Variants in SOCS5 observed in about 807,000 individuals in gnomAD.
SOCS5 encodes the protein suppressor of cytokine signaling 5.
A neutral mutation model predicts 42.8 loss-of-function variants in SOCS5; 32 were observed. The observed-to-expected ratio is 0.75, with a 90% CI of 0.56 to 1.01. The LOEUF (loss-of-function observed/expected upper bound fraction) is 1.01, where lower values mean the gene tolerates loss of function less well. Ranked by LOEUF, SOCS5 falls within the 50% of genes least tolerant of loss-of-function variation. The probability of loss-of-function intolerance (pLI) is 0.00; values close to 1 mark genes in which losing one functional copy is unlikely to be tolerated. For missense variants in SOCS5, 627 were observed against 653.0 expected (o/e 0.96, Z 0.43); for synonymous variants, 283 against 229.6 (o/e 1.23, Z -2.10).
rs1195577115 is a variant in SOCS5 at position 46,759,956 on chromosome 2, C to T, written c.1426C>T (p.Leu476=). The part of the protein sequence containing the change: ...MFFEPLLTIS[L]NRTFPFSLQY... ...TTTTGAACCATTGCTTACTATATCA[C>T]TAAATAGGACTTTCCCTTTTAGCCT... Residue 476 remains leucine (L), a synonymous_variant, in exon 2 of 2, where the codon CTA becomes TTA. Transcript: ENST00000394861. 1 of 1,614,142 alleles carries T rather than the reference C, an allele frequency of 6.2e-7. No homozygotes were observed.
At chr2:46,718,042 A>T (rs1191927357) in intron 1 of SOCS5, among the ~76,000 whole-genome samples, 2 of 152,120 alleles carry the variant, frequency 1.3e-5, no homozygotes, top group Admixed American at 6.6e-5. Context: ...CAGCAACCTT[A>T]GTAGCCTCAA....
intron 1 of SOCS5, among the ~76,000 whole-genome samples, chr2:46,714,196 T>C (rs1572831581): frequency 2.6e-5 from 4 of 152,222 alleles, no homozygotes; most frequent in African/African-American, 9.6e-5. Context: ...TCTTTACTGA[T>C]TTTCTGTCTG....
intron 1 of SOCS5, among the ~76,000 whole-genome samples, chr2:46,718,614 TTTAA>T (rs1672805899): frequency 6.6e-6 from 1 of 152,164 alleles, no homozygotes; most frequent in Non-Finnish European, 1.5e-5. Flanking sequence ...GGCATTTAAG[TTTAA>T]TTAACAGAGC....
chr2:46,725,868 A>G (rs1333158509), intron 1 of SOCS5, among the ~76,000 whole-genome samples: 1 of 152,038 alleles, frequency 6.6e-6, no homozygotes, highest in Non-Finnish European at 1.5e-5. Context: ...TTACTTCCCT[A>G]GAGTCTGAGT....
intron 1 of SOCS5, among the ~76,000 whole-genome samples, chr2:46,737,480 C>CT (rs1673279150): frequency 6.6e-6 from 1 of 152,098 alleles, no homozygotes; most frequent in South Asian, 2.1e-4. Context: ...AATCTGATAA[C>CT]TGATTATTAT....
At chr2:46,733,400 C>G (rs1047691125) in intron 1 of SOCS5, among the ~76,000 whole-genome samples, 6 of 151,880 alleles carry the variant, frequency 4.0e-5, no homozygotes, top group African/African-American at 1.2e-4. Context: ...CAGCCAGTCC[C>G]AGATTATTTT....
Position 46,699,454 on chromosome 2 carries a change from G to A in SOCS5, c.-13+5G>A, listed in dbSNP as rs1672291906. ...CCGCCCCGCGCGCCCCAAACGGTGAGTGTCCCCGCGGTCGCGCCCGGCCCG... is the reference window on the plus strand; with the variant it reads ...CCGCCCCGCGCGCCCCAAACGGTGAATGTCCCCGCGGTCGCGCCCGGCCCG... On this transcript the variant is annotated splice_donor_5th_base_variant and intron_variant, in intron 1 of 1. Coordinates refer to ENST00000394861, the MANE Select transcript of SOCS5 (RefSeq NM_144949.3). The surrounding 1 kb of genome is among the most constrained non-coding windows in gnomAD (Gnocchi z 4.8). 1 of 152,088 alleles carries A rather than the reference G, an allele frequency of 6.6e-6. No individual in the cohort carries two copies. Among genetic ancestry groups the A allele is most frequent in the Non-Finnish European group, 1.5e-5 (1 of 67,918 alleles). The allele number at this position is 152,088 out of a possible 1,614,324, so 9.4% of individuals were successfully genotyped here. A position where few individuals can be genotyped will look rare whatever the true frequency, so the allele number is the denominator to read the frequency against.
chr2:46,748,189 CTTTTTT>C (rs35861326), intron 1 of SOCS5, among the ~76,000 whole-genome samples: 2 of 138,788 alleles, frequency 1.4e-5, no homozygotes, highest in African/African-American at 2.6e-5. Flanking sequence ...TTTTCTTTTT[CTTTTTT>C]TTTTTTTTTT....
chr2:46,743,072 A>G (rs1415052199), intron 1 of SOCS5, among the ~76,000 whole-genome samples: 2 of 152,184 alleles, frequency 1.3e-5, no homozygotes, highest in African/African-American at 2.4e-5. Flanking sequence ...GCCCCAAAGT[A>G]TAGTTTTTTA....
chr2:46,729,501 C>G (rs959480692), intron 1 of SOCS5, among the ~76,000 whole-genome samples: 5 of 152,168 alleles, frequency 3.3e-5, no homozygotes, highest in Admixed American at 6.5e-5. Context: ...ACCTGTATAG[C>G]CTGTTACTGT....
intron 1 of SOCS5, among the ~76,000 whole-genome samples, chr2:46,739,075 G>T (rs868520413): frequency 6.6e-6 from 1 of 152,104 alleles, no homozygotes; most frequent in Non-Finnish European, 1.5e-5. Context: ...GTAGAAAGTG[G>T]ATGCTTCATG....
chr2:46,710,177 C>T (rs555369844), intron 1 of SOCS5, among the ~76,000 whole-genome samples: 109 of 152,266 alleles, frequency 7.2e-4, no homozygotes, highest in Middle Eastern at 3.4e-3. Context: ...TGTAGCATCT[C>T]GCTCTGTTGC....
Position 46,761,351 on chromosome 2 carries a change from A to G in SOCS5, c.*1210A>G, listed in dbSNP as rs1673864397. 1 of 167,078 alleles carries G rather than the reference A, an allele frequency of 6.0e-6. No individual in the cohort carries two copies. Among genetic ancestry groups the G allele is most frequent in the Admixed American group, 6.5e-5 (1 of 15,284 alleles). The allele number at this position is 167,078 out of a possible 1,614,324, so 10.3% of individuals were successfully genotyped here. On this transcript the variant is annotated 3_prime_UTR_variant, in exon 2 of 2. Coordinates refer to ENST00000394861, the MANE Select transcript of SOCS5 (RefSeq NM_144949.3). The stretch of plus-strand genomic sequence containing the variant: ...CTGAATTTACAGTTCTGTCCTAGAC[A>G]TTTTGCACTAAAGTAGCCGAATCCA...
At chr2:46,763,128 AAG>A (rs537901183) in exon 2 of SOCS5, 162 of 167,142 alleles carry the variant, frequency 9.7e-4, 1 homozygote, top group African/African-American at 3.7e-3. Context: ...TACAAAGAGA[AAG>A]AGTTCATCTG....
In SOCS5 at chr2:46,699,875, C is replaced by G. The variant is rs1572825064; in HGVS notation, c.-13+426C>G. Among the ~76,000 whole-genome samples, 2 of 151,986 alleles carry G rather than the reference C, an allele frequency of 1.3e-5. No individual in the cohort carries two copies. The highest frequency in any genetic ancestry group is 1.9e-4 in the East Asian group (1 of 5,158). On this transcript the variant is annotated intron_variant, in intron 1 of 1. Transcript: ENST00000394861. This position sits in a 1 kb window ranked among gnomAD's most constrained non-coding sequence, Gnocchi z 4.8. Reference sequence around the variant, plus strand: ...AGGCTGCAGGGAAGGGAGCACCGACCAAGTCACTTGGGGCTCCAAGAGCCC... The same window carrying G: ...AGGCTGCAGGGAAGGGAGCACCGACGAAGTCACTTGGGGCTCCAAGAGCCC...
rs1673801344 is a variant in SOCS5, at chr2:46,759,123, C to T, written c.593C>T (p.Ser198Leu). 6.2e-7 allele frequency: 1 copy of T among 1,613,980 alleles called. No individual in the cohort carries two copies. The highest frequency in any genetic ancestry group is 8.5e-7 in the Non-Finnish European group (1 of 1,179,846). ...CFPMRTYSKQ[S>L]KPLFSNKRKI... ...CCCATGAGAACTTACAGCAAGCAGT[C>T]AAAGCCTCTCTTTTCCAATAAAAGA... The change falls in exon 2 of 2, where the codon TCA (serine) becomes TTA (leucine). Residue 198 changes from serine to leucine, a missense_variant. By Grantham distance (145) the Ser-to-Leu change is moderately radical. This residue lies in a region of SOCS5 where 278 missense variants were observed against 246.3 expected (regional missense o/e 1.13). Transcript: ENST00000394861.
chr2:46,729,242 C>T (rs1673061023), intron 1 of SOCS5, among the ~76,000 whole-genome samples: 1 of 152,130 alleles, frequency 6.6e-6, no homozygotes, highest in African/African-American at 2.4e-5. Context: ...GCTTGAAATT[C>T]ACACTGTGTT....
At chr2:46,706,405 T>C (rs1027702033) in intron 1 of SOCS5, among the ~76,000 whole-genome samples, 2 of 152,346 alleles carry the variant, frequency 1.3e-5, no homozygotes, top group Admixed American at 1.3e-4. Context: ...TGTGAAGTGC[T>C]CTTTTACTCT....
At chr2:46,753,409 G>A (rs1673666942) in intron 1 of SOCS5, among the ~76,000 whole-genome samples, 1 of 152,152 alleles carries the variant, frequency 6.6e-6, no homozygotes, top group South Asian at 2.1e-4. Context: ...CCAGTTGTCT[G>A]TAAAGTCTAA....
Sources: allele counts gnomAD v4.1 joint callset (sites outside exome capture counted in the v4.1 genomes callset), GRCh38; gene constraint gnomAD v4.1.1; regional missense constraint gnomAD v4.1.1; non-coding constraint Gnocchi (gnomAD v3.1); transcripts MANE v1.5; gene names NCBI Gene and HGNC (gene_info 2026-07-23, HGNC 2026-07-21).